The following EYS variants were observed in gnomAD, a reference collection of about 807,000 sequenced individuals.
EYS encodes the protein protein eyes shut homolog.
Under a neutral mutation model 282.1 loss-of-function variants are expected in EYS, and 250 were observed. The observed-to-expected ratio is 0.89, with a 90% CI of 0.80 to 0.98. The LOEUF is 0.98. Among genes scored for constraint, EYS ranks in the 50% least tolerant of loss-of-function variants. The pLI is 0.00. For synonymous variants in EYS, 1,355 were observed against 1,282.9 expected (o/e 1.06, Z -1.20); for missense variants, 4,016 against 3,709.0 (o/e 1.08, Z -2.15).
In EYS at chr6:65,663,108, G is replaced by A. The variant is rs114707596; in HGVS notation, c.-447-23216C>T. 5.0e-3 allele frequency among the ~76,000 whole-genome samples: 755 copies of A among 152,216 alleles called. 6 individuals carry two copies. The highest frequency in any genetic ancestry group is 0.017 in the African/African-American group (703 of 41,538). ...TCTTGAAGCAGCAAAGTAATCATAC[G>A]GGGGTAATCACAATGTTTCTTATGC... On this transcript the variant is annotated intron_variant, in intron 1 of 42. Coordinates refer to ENST00000503581, the MANE Select transcript of EYS (RefSeq NM_001142800.2).
At chr6:65,487,161 T>A (rs1765813319) in intron 5 of EYS, among the ~76,000 whole-genome samples, 1 of 152,146 alleles carries the variant, frequency 6.6e-6, no homozygotes, top group African/African-American at 2.4e-5. Context: ...TTGAAAACCT[T>A]TATTTCCTTC....
chr6:65,495,544 CA>C lies in EYS; in HGVS notation c.-135del. 3.6e-6 allele frequency: 3 copies of C among 834,152 alleles called. No individual in the cohort carries two copies. Among genetic ancestry groups the C allele is most frequent in the South Asian group, 3.1e-5 (2 of 63,598 alleles). 51.7% of individuals were successfully genotyped at this position (834,152 alleles called of 1,614,324 possible). A position where few individuals can be genotyped will look rare whatever the true frequency, so the allele number is the denominator to read the frequency against. On this transcript the variant is annotated 5_prime_UTR_variant, in exon 4 of 43. Transcript: ENST00000503581. ...TTGGAATTGACCTTTTTTCTATACC[CA>C]AAGTAGCTTTGATGACAATGTGCTT...
At chr6:64,337,012 C>T (rs1343364969) in intron 29 of EYS, among the ~76,000 whole-genome samples, 1 of 152,038 alleles carries the variant, frequency 6.6e-6, no homozygotes, top group Non-Finnish European at 1.5e-5. Flanking sequence ...TAAACACCTA[C>T]ATCAAAAAGG....
At chr6:65,283,041 C>T (rs1768267603) in intron 12 of EYS, among the ~76,000 whole-genome samples, 1 of 151,942 alleles carries the variant, frequency 6.6e-6, no homozygotes, top group Non-Finnish European at 1.5e-5. Context: ...TGTTATTAGA[C>T]ATGTCTATCA....
intron 29 of EYS, among the ~76,000 whole-genome samples, chr6:64,344,037 C>A (rs1005642253): frequency 6.6e-6 from 1 of 152,086 alleles, no homozygotes; most frequent in African/African-American, 2.4e-5. Flanking sequence ...AGACCAATAA[C>A]AGGCTCTGAA....
chr6:64,008,905 A>G (rs549779112), intron 33 of EYS, among the ~76,000 whole-genome samples: 1 of 152,056 alleles, frequency 6.6e-6, no homozygotes, highest in Admixed American at 6.5e-5. Context: ...CACACTTTTA[A>G]TGTATTTCAA....
intron 22 of EYS, among the ~76,000 whole-genome samples, chr6:64,694,995 C>G (rs1321869449): frequency 6.6e-6 from 1 of 152,030 alleles, no homozygotes; most frequent in Non-Finnish European, 1.5e-5. Context: ...CTGAGCTTCC[C>G]CTCTTTCCCC....
intron 15 of EYS, among the ~76,000 whole-genome samples, chr6:64,926,871 C>T (rs755990796): frequency 9.2e-5 from 14 of 152,088 alleles, no homozygotes; most frequent in Admixed American, 4.6e-4. Context: ...CCAAGACATA[C>T]GTTAATTGTG....
At chr6:64,231,966 G>A (rs1164580188) in intron 30 of EYS, among the ~76,000 whole-genome samples, 1 of 151,960 alleles carries the variant, frequency 6.6e-6, no homozygotes, top group Non-Finnish European at 1.5e-5. Context: ...TAAAACCTTA[G>A]CAAAAGAAGT....
intron 12 of EYS, among the ~76,000 whole-genome samples, chr6:65,167,050 G>C (rs1764989840): frequency 6.6e-6 from 1 of 151,162 alleles, no homozygotes; most frequent in Admixed American, 6.6e-5. Context: ...ACAACTGTTG[G>C]TAAAATGTGG....
intron 26 of EYS, among the ~76,000 whole-genome samples, chr6:64,446,001 C>T (rs1775104436): frequency 6.6e-6 from 1 of 152,186 alleles, no homozygotes. Flanking sequence ...AGATTAAAGA[C>T]TTAAGATACA....
chr6:64,236,291 A>G (rs1172084921), intron 30 of EYS, among the ~76,000 whole-genome samples: 1 of 152,128 alleles, frequency 6.6e-6, no homozygotes, highest in Non-Finnish European at 1.5e-5. Context: ...CATTTTTAGT[A>G]CTGATATGGA....
rs543296190 is a variant in EYS, at chr6:63,961,592, A to G, written c.7055+22791T>C. On this transcript the variant is annotated intron_variant, in intron 35 of 42. Transcript: ENST00000503581. ...AACAGCTTTATTGCTCTTTATTTAT[A>G]TTTATTTATATTTATTGCTCTATAT... 6.6e-5 allele frequency among the ~76,000 whole-genome samples: 10 copies of G among 152,088 alleles called. No homozygotes were observed. The South Asian group carries it at 2.1e-3, about 32-fold the overall frequency.
chr6:65,330,823 C>T (rs1016484932), intron 11 of EYS: 3 of 944,054 alleles, frequency 3.2e-6, no homozygotes, highest in Non-Finnish European at 3.8e-6. Flanking sequence ...TTTTAGATCC[C>T]TATACACATT....
chr6:64,215,536 C>G (rs777153880), intron 31 of EYS, among the ~76,000 whole-genome samples: 1 of 151,868 alleles, frequency 6.6e-6, no homozygotes, highest in African/African-American at 2.4e-5. Flanking sequence ...GAGATAGTGC[C>G]TCTAATTTGC....
rs1012572619 is a variant in EYS at position 65,440,077 on chromosome 6, A to G, written c.863-34710T>C. ...CATAGAGTTTTCAGAGAAAAAATTA[A>G]GTGATTCAAAAAGGATAAATCACAT... On this transcript the variant is annotated intron_variant, in intron 5 of 42. Coordinates refer to ENST00000503581, the MANE Select transcript of EYS (RefSeq NM_001142800.2). Among the ~76,000 whole-genome samples the G allele has an allele frequency of 3.9e-5, 6 of 152,226 alleles. No individual in the cohort carries two copies. The East Asian group carries it at 9.7e-4, about 25-fold the overall frequency.
At chr6:63,978,462 A>G (rs1766944667) in intron 35 of EYS, among the ~76,000 whole-genome samples, 1 of 151,982 alleles carries the variant, frequency 6.6e-6, no homozygotes, top group Non-Finnish European at 1.5e-5. Flanking sequence ...AGTTAAGAAG[A>G]AGGGTTAAAT....
At chr6:65,255,375 A>G (rs760241154) in intron 12 of EYS, among the ~76,000 whole-genome samples, 5 of 151,726 alleles carry the variant, frequency 3.3e-5, no homozygotes, top group Admixed American at 6.6e-5. Flanking sequence ...CAAAAAGTAA[A>G]TAAAAATAAA....
intron 13 of EYS, among the ~76,000 whole-genome samples, chr6:65,023,859 G>A (rs1772321126): frequency 6.6e-6 from 1 of 152,208 alleles, no homozygotes; most frequent in Non-Finnish European, 1.5e-5. Flanking sequence ...CCACCACCTA[G>A]TAAGCTGAGA....
Sources: allele counts gnomAD v4.1 joint callset (sites outside exome capture counted in the v4.1 genomes callset), GRCh38; gene constraint gnomAD v4.1.1; transcripts MANE v1.5; gene names NCBI Gene and HGNC (gene_info 2026-07-23, HGNC 2026-07-21).